Variants in FUNDC1 observed in about 807,000 individuals in gnomAD.
The protein encoded by FUNDC1 is FUN14 domain-containing protein 1.
FUNDC1 carries 10 observed loss-of-function variants against 14.5 expected under a neutral mutation model. The ratio of observed to expected loss-of-function variants is 0.69; its 90% confidence interval spans 0.43 to 1.17. FUNDC1 has a LOEUF of 1.17. FUNDC1 is among the 50% of genes most tolerant of loss of function. FUNDC1 has a pLI of 0.00. For synonymous variants in FUNDC1, 33 were observed against 39.7 expected (o/e 0.83, Z 0.64); for missense variants, 115 against 113.8 (o/e 1.01, Z -0.05).
chrX:44,533,400 C>A (rs2147474110), intron 3 of FUNDC1, among the ~76,000 whole-genome samples: 1 of 109,082 alleles, frequency 9.2e-6, no homozygotes, highest in East Asian at 2.9e-4. Context: ...GAGGCCGAGG[C>A]AGGCAGATCA....
intron 3 of FUNDC1, among the ~76,000 whole-genome samples, chrX:44,527,775 A>G (rs1479540207): frequency 8.9e-6 from 1 of 112,217 alleles, no homozygotes; most frequent in Non-Finnish European, 1.9e-5. Flanking sequence ...TTATATAGCT[A>G]ATTTAAAAAT....
At chrX:44,537,659 T>C (rs1404533062) in intron 3 of FUNDC1, among the ~76,000 whole-genome samples, 2 of 112,225 alleles carry the variant, frequency 1.8e-5, no homozygotes, top group South Asian at 3.6e-4. Context: ...ACATGATCGA[T>C]GGCTTAGGTG....
In FUNDC1 at chrX:44,529,958, G is replaced by A. The variant is rs777397139; in HGVS notation, c.262-2593C>T. On this transcript the variant is annotated intron_variant, in intron 3 of 4. Coordinates refer to ENST00000378045, the MANE Select transcript of FUNDC1 (RefSeq NM_173794.4). ...TCTCCCAAAGTGCTGGGATTACAGT[G>A]AGCCACGGCACCCAGCTGAGAAGTA... Among the ~76,000 whole-genome samples the A allele has an allele frequency of 4.8e-3, 540 of 112,372 alleles. 1 individual carries two copies. Among genetic ancestry groups the A allele is most frequent in the Non-Finnish European group, 7.8e-3 (414 of 53,314 alleles).
intron 4 of FUNDC1, among the ~76,000 whole-genome samples, 161 bp from the exon 5 acceptor site, chrX:44,524,436 TG>T (rs1246962386): frequency 9.0e-6 from 1 of 111,147 alleles, no homozygotes; most frequent in Non-Finnish European, 1.9e-5. Context: ...CATTAAGAGC[TG>T]GGGAGAGAGG....
chrX:44,531,765 A>AACACAC (rs143142516), intron 3 of FUNDC1, among the ~76,000 whole-genome samples: 3,439 of 87,323 alleles, frequency 0.039, 167 homozygotes, highest in African/African-American at 0.13. Context: ...AGAAGCTTAA[A>AACACAC]ACACACACAC....
intron 3 of FUNDC1, among the ~76,000 whole-genome samples, chrX:44,529,510 C>G (rs1208588469): frequency 9.0e-6 from 1 of 111,408 alleles, no homozygotes; most frequent in African/African-American, 3.3e-5. Context: ...TAAACACACC[C>G]TTCTAGCTCA....
At chrX:44,529,475 C>T (rs989555153) in intron 3 of FUNDC1, among the ~76,000 whole-genome samples, 3 of 111,009 alleles carry the variant, frequency 2.7e-5, no homozygotes, top group Non-Finnish European at 5.7e-5. Context: ...GCAGACAGAG[C>T]GTCTTCCCTC....
chrX:44,524,488 T>C (rs946282748), intron 4 of FUNDC1, among the ~76,000 whole-genome samples: 1 of 110,753 alleles, frequency 9.0e-6, no homozygotes, highest in African/African-American at 3.3e-5. Flanking sequence ...GAGTTTGGGA[T>C]GATGAAAAAG....
At chrX:44,542,319 G>T (rs1176075204) in intron 1 of FUNDC1, 2 of 399,332 alleles carry the variant, frequency 5.0e-6, no homozygotes, top group African/African-American at 2.6e-5. Flanking sequence ...TTTCCCAAAG[G>T]CCCGGGGACC....
chrX:44,533,935 C>T (rs1236570533), intron 3 of FUNDC1, among the ~76,000 whole-genome samples: 1 of 105,393 alleles, frequency 9.5e-6, no homozygotes, highest in Non-Finnish European at 1.9e-5. Flanking sequence ...CATGGTGGTG[C>T]ATGCCTGTAG....
chrX:44,529,423 T>C (rs2038914210), intron 3 of FUNDC1, among the ~76,000 whole-genome samples: 1 of 110,954 alleles, frequency 9.0e-6, no homozygotes, highest in Admixed American at 9.8e-5. Flanking sequence ...ATGCTAAAGA[T>C]ACTAACGCCT....
At chrX:44,529,122 G>A (rs761240724) in intron 3 of FUNDC1, among the ~76,000 whole-genome samples, 2 of 110,979 alleles carry the variant, frequency 1.8e-5, no homozygotes, top group Non-Finnish European at 3.8e-5. Context: ...AGTTAAATTG[G>A]AAGTGAAATT....
chrX:44,535,463 C>T (rs28632125), intron 3 of FUNDC1, among the ~76,000 whole-genome samples: 15,884 of 104,648 alleles, frequency 0.15, 958 homozygotes, highest in East Asian at 0.2. Context: ...GTCAGGAGAT[C>T]GAGATCATCC....
chrX:44,538,129 C>T (rs923400598), intron 3 of FUNDC1, among the ~76,000 whole-genome samples: 2 of 111,653 alleles, frequency 1.8e-5, no homozygotes, highest in East Asian at 2.8e-4. Context: ...CTACTACAGG[C>T]GTGCACCACC....
intron 3 of FUNDC1, among the ~76,000 whole-genome samples, chrX:44,530,357 G>A (rs773899745): frequency 4.5e-5 from 5 of 112,096 alleles, no homozygotes; most frequent in Non-Finnish European, 7.5e-5. Flanking sequence ...TGTAATGTTA[G>A]CACTTTGGGA....
chrX:44,540,414 TTGTGTGTGTGTG>T (rs367975882), intron 2 of FUNDC1, among the ~76,000 whole-genome samples: 7 of 96,649 alleles, frequency 7.2e-5, no homozygotes, highest in Admixed American at 6.7e-4. Flanking sequence ...AATGTGTGTG[TTGTGTGTGTGTG>T]TGTGTGTGTG....
At chrX:44,533,343 T>C (rs1409096774) in intron 3 of FUNDC1, among the ~76,000 whole-genome samples, 3 of 110,278 alleles carry the variant, frequency 2.7e-5, no homozygotes, top group Non-Finnish European at 5.7e-5. Context: ...AAAAACAGTA[T>C]CCAAGGCCAG....
intron 4 of FUNDC1, among the ~76,000 whole-genome samples, chrX:44,526,197 G>A (rs1263516490): frequency 9.0e-6 from 1 of 111,353 alleles, no homozygotes; most frequent in African/African-American, 3.3e-5. Flanking sequence ...TCGGGAGACT[G>A]AGGCGGGTGG....
In FUNDC1 at chrX:44,542,717, A is replaced by C. The variant is rs780522836; in HGVS notation, c.28+88T>G. 7.4e-5 allele frequency: 68 copies of C among 916,359 alleles called. No individual in the cohort carries two copies. The African/African-American group carries it at 1.3e-3, about 17-fold the overall frequency. The allele number at this position is 916,359 out of a possible 1,213,427, so 75.5% of individuals were successfully genotyped here. On this transcript the variant is annotated intron_variant, in intron 1 of 4. Transcript: ENST00000378045. The stretch of plus-strand genomic sequence containing the variant: ...AAAAAAATGGAGCTCGAAGAATCCT[A>C]GGGCAGGGGAAGGAAGAGGTGCCAT...
Sources: allele counts gnomAD v4.1 joint callset (sites outside exome capture counted in the v4.1 genomes callset), GRCh38; gene constraint gnomAD v4.1.1; transcripts MANE v1.5; gene names NCBI Gene and HGNC (gene_info 2026-07-23, HGNC 2026-07-21).